Variants in MARCHF4 observed in about 807,000 individuals in gnomAD.
MARCHF4 encodes E3 ubiquitin-protein ligase MARCHF4.
In MARCHF4, 14 loss-of-function variants were observed where a neutral mutation model predicts 43.9. The ratio of observed to expected loss-of-function variants is 0.32; its 90% CI spans 0.21 to 0.50. MARCHF4 has a LOEUF of 0.50. Among genes scored for constraint, MARCHF4 ranks in the 20% least tolerant of loss-of-function variants. MARCHF4 has a pLI of 0.98. For missense variants in MARCHF4, 468 were observed against 536.7 expected (o/e 0.87, Z 1.27); for synonymous variants, 226 against 213.3 (o/e 1.06, Z -0.52).
At chr2:216,354,548 C>A (rs775728971) in intron 1 of MARCHF4, among the ~76,000 whole-genome samples, 2 of 152,214 alleles carry the variant, frequency 1.3e-5, no homozygotes, top group Non-Finnish European at 2.9e-5. Flanking sequence ...AGACTCCAAG[C>A]TCTCCATCTT....
intron 1 of MARCHF4, among the ~76,000 whole-genome samples, chr2:216,310,211 C>T (rs1691662096): frequency 6.6e-6 from 1 of 152,206 alleles, no homozygotes; most frequent in South Asian, 2.1e-4. Flanking sequence ...TCCATCCTTG[C>T]TGAGGCTGCT....
chr2:216,315,835 G>C (rs1382567478), intron 1 of MARCHF4, among the ~76,000 whole-genome samples: 1 of 152,086 alleles, frequency 6.6e-6, no homozygotes, highest in East Asian at 1.9e-4. Flanking sequence ...AAATTAAGCT[G>C]TTTTCTTACT....
At chr2:216,263,525 G>GAA (rs1690785828) in intron 3 of MARCHF4, among the ~76,000 whole-genome samples, 3 of 149,046 alleles carry the variant, frequency 2.0e-5, no homozygotes, top group Non-Finnish European at 4.5e-5. Flanking sequence ...GAGAGAGAGA[G>GAA]AGAGAGAGAG....
chr2:216,277,741 A>G lies in MARCHF4; in HGVS notation c.796T>C (p.Trp266Arg). Residue 266 changes from tryptophan to arginine, a missense_variant, in exon 3 of 4, where the codon TGG becomes CGG. Around this residue, in one of 3 missense-constraint regions of MARCHF4, gnomAD observed 158 missense variants for 251.1 expected, o/e 0.63. Transcript: ENST00000273067. ...IWSTFSPSAR[W>R]QRQDLLFQIC... ...TGGAAGAGAAGGTCTTGGCGCTGCCATCTTGCCGAGGGGCTGAAAGTTGAC... is the reference window on the plus strand; with the variant it reads ...TGGAAGAGAAGGTCTTGGCGCTGCCGTCTTGCCGAGGGGCTGAAAGTTGAC... 1 of 1,614,198 alleles carries G rather than the reference A, an allele frequency of 6.2e-7. No individual in the cohort carries two copies. Among genetic ancestry groups the G allele is most frequent in the Non-Finnish European group, 8.5e-7 (1 of 1,180,012 alleles).
chr2:216,285,585 C>T (rs1225786899), intron 1 of MARCHF4, among the ~76,000 whole-genome samples: 2 of 152,212 alleles, frequency 1.3e-5, no homozygotes, highest in African/African-American at 4.8e-5. Flanking sequence ...TTCTCTAGGA[C>T]ATGGCCAGCC....
chr2:216,342,372 A>C (rs1692251024), intron 1 of MARCHF4, among the ~76,000 whole-genome samples: 3 of 152,208 alleles, frequency 2.0e-5, no homozygotes, highest in African/African-American at 7.2e-5. Flanking sequence ...GAACAAGAGA[A>C]GGCAGCTGGT....
chr2:216,263,508 AG>A (rs67463202), intron 3 of MARCHF4, among the ~76,000 whole-genome samples: 72,886 of 137,512 alleles, frequency 0.53, 22,496 homozygotes, highest in Non-Finnish European at 0.72. Flanking sequence ...AGAGAGAGAG[AG>A]AGAGAGAGAG....
chr2:216,318,007 G>A (rs1235609096), intron 1 of MARCHF4: 1 of 152,222 alleles, frequency 6.6e-6, no homozygotes, highest in African/African-American at 2.4e-5. Context: ...CAGCGCTTCC[G>A]AGGCTGATCT....
At chr2:216,300,028 G>A (rs868690267) in intron 1 of MARCHF4, among the ~76,000 whole-genome samples, 5 of 152,134 alleles carry the variant, frequency 3.3e-5, no homozygotes, top group East Asian at 3.9e-4. Flanking sequence ...GGCTTACTTC[G>A]GAGTCAGTGT....
Position 216,370,418 on chromosome 2 carries a change from T to C in MARCHF4, c.-158A>G. 1 of 569,360 alleles carries C rather than the reference T, an allele frequency of 1.8e-6. No individual in the cohort carries two copies. 35.3% of individuals were successfully genotyped at this position (569,360 alleles called of 1,614,324 possible). ...CCCCTCCAAGTAGCAAATAAATTGC[T>C]CCCAGGACTGAGAAGTGTGAGTCAC... On this transcript the variant is annotated 5_prime_UTR_variant, in exon 1 of 4. Transcript: ENST00000273067.
intron 1 of MARCHF4, among the ~76,000 whole-genome samples, chr2:216,369,321 C>T (rs1372087565): frequency 6.6e-6 from 1 of 152,208 alleles, no homozygotes. Flanking sequence ...TCTCGGCATA[C>T]TCTCAGAGCA....
At chr2:216,302,364 G>A (rs952617091) in intron 1 of MARCHF4, among the ~76,000 whole-genome samples, 5 of 149,354 alleles carry the variant, frequency 3.3e-5, no homozygotes, top group Non-Finnish European at 7.4e-5. Context: ...GACTACAGGC[G>A]CCTGCCACCA....
At chr2:216,267,017 C>G (rs1690856138) in intron 3 of MARCHF4, among the ~76,000 whole-genome samples, 1 of 152,148 alleles carries the variant, frequency 6.6e-6, no homozygotes, top group Admixed American at 6.5e-5. Flanking sequence ...AGAGTTTTGT[C>G]TTTTAAAATC....
intron 3 of MARCHF4, among the ~76,000 whole-genome samples, chr2:216,274,172 G>C (rs1178085314): frequency 3.3e-5 from 5 of 152,178 alleles, no homozygotes; most frequent in African/African-American, 1.2e-4. Context: ...CTATACCCAT[G>C]GTTGTGGGTC....
rs576213633 is a variant in MARCHF4, at chr2:216,272,565, T to C, written c.865+5107A>G. Among the ~76,000 whole-genome samples, 107 of 152,318 alleles carry C rather than the reference T, an allele frequency of 7.0e-4. 1 individual carries two copies. The highest frequency in any genetic ancestry group is 6.2e-3 in the Admixed American group (95 of 15,300). On this transcript the variant is annotated intron_variant, in intron 3 of 3. Transcript: ENST00000273067. Reference sequence around the variant, plus strand: ...TGGAATTACAGCCAGAAGTTCTTGGTCCAATCCTCTGCTCCACCATTTTCT... The same window carrying C: ...TGGAATTACAGCCAGAAGTTCTTGGCCCAATCCTCTGCTCCACCATTTTCT...
chr2:216,290,854 A>G lies in MARCHF4; in HGVS notation c.517-7125T>C, dbSNP rs142478025. Among the ~76,000 whole-genome samples the G allele has an allele frequency of 1.2e-3, 177 of 152,284 alleles. 1 individual carries two copies. The highest frequency in any genetic ancestry group is 3.7e-3 in the African/African-American group (154 of 41,556). ...TGGGGAGTTACCTTTAATTGAGATGAGAAAGACTGAAGGAGTTGCAGGTTT... is the reference window on the plus strand; with the variant it reads ...TGGGGAGTTACCTTTAATTGAGATGGGAAAGACTGAAGGAGTTGCAGGTTT... On this transcript the variant is annotated intron_variant, in intron 1 of 3. Coordinates refer to ENST00000273067, the MANE Select transcript of MARCHF4 (RefSeq NM_020814.3).
At chr2:216,336,051 G>C (rs1428870081) in intron 1 of MARCHF4, among the ~76,000 whole-genome samples, 1 of 118,454 alleles carries the variant, frequency 8.4e-6, no homozygotes, top group African/African-American at 3.3e-5. Flanking sequence ...CTGAGTGACA[G>C]AGTGAGACTC....
intron 3 of MARCHF4, among the ~76,000 whole-genome samples, chr2:216,275,621 T>A (rs1038212178): frequency 6.6e-6 from 1 of 152,234 alleles, no homozygotes; most frequent in Admixed American, 6.5e-5. Flanking sequence ...GACTGGTCGA[T>A]GACATGGTGG....
chr2:216,337,006 G>C (rs990586154), intron 1 of MARCHF4, among the ~76,000 whole-genome samples: 4 of 151,868 alleles, frequency 2.6e-5, no homozygotes, highest in Admixed American at 2.6e-4. Flanking sequence ...ACAAAAATTA[G>C]CCAGGTATGG....
Sources: gnomAD v4.1 joint callset for allele counts (sites outside exome capture counted in the v4.1 genomes callset) on GRCh38, gnomAD v4.1.1 for gene constraint, gnomAD v4.1.1 regional missense constraint, MANE v1.5 for transcripts, NCBI Gene and HGNC (gene_info 2026-07-23, HGNC 2026-07-21) for gene names.